CERS4: variants seen among roughly 807,000 people sequenced by gnomAD.
CERS4 encodes LAG1 homolog, ceramide synthase 4.
In CERS4, 65 loss-of-function variants were observed where a neutral mutation model predicts 51.8. The observed-to-expected ratio is 1.26, with a 90% confidence interval of 1.03 to 1.54. The LOEUF (loss-of-function observed/expected upper bound fraction) is 1.54, where lower values mean the gene tolerates loss of function less well. Among genes scored for constraint, CERS4 ranks in the 40% most tolerant of loss-of-function variants. CERS4 has a pLI of 0.00. For synonymous variants in CERS4, 228 were observed against 208.4 expected (o/e 1.09, Z -0.81); for missense variants, 563 against 500.4 (o/e 1.13, Z -1.19).
intron 4 of CERS4, 112 bp from the exon 5 acceptor site, chr19:8,255,495 T>C: frequency 1.1e-6 from 1 of 912,278 alleles, no homozygotes; most frequent in Non-Finnish European, 1.7e-6. Flanking sequence ...GGTCACCCTG[T>C]AGGCAAGATG....
intron 2 of CERS4, among the ~76,000 whole-genome samples, chr19:8,223,400 T>C (rs1456236925): frequency 2.6e-5 from 4 of 151,608 alleles, no homozygotes; most frequent in Admixed American, 2.6e-4. Flanking sequence ...GGAGGATCAC[T>C]TGAGCTCAGG....
chr19:8,217,430 G>T (rs185033684), intron 2 of CERS4, among the ~76,000 whole-genome samples: 28 of 151,498 alleles, frequency 1.8e-4, no homozygotes, highest in Admixed American at 1.8e-3. Flanking sequence ...GTGCAGTGGC[G>T]CAATCTCGGT....
chr19:8,256,432 A>G (rs756161621), intron 7 of CERS4, 146 bp downstream of exon 7: 3 of 980,588 alleles, frequency 3.1e-6, no homozygotes, highest in Non-Finnish European at 4.3e-6. Flanking sequence ...GGGAATAGAG[A>G]GGGGCCAGAA....
At chr19:8,218,977 C>T (rs762432419) in intron 2 of CERS4, among the ~76,000 whole-genome samples, 1 of 152,044 alleles carries the variant, frequency 6.6e-6, no homozygotes, top group South Asian at 2.1e-4. Flanking sequence ...GAGGCCGAGG[C>T]GGGAGGATCA....
At chr19:8,243,801 G>A (rs1968642614) in intron 2 of CERS4, among the ~76,000 whole-genome samples, 6 of 146,678 alleles carry the variant, frequency 4.1e-5, no homozygotes, top group Admixed American at 4.1e-4. Context: ...AACCTGAGTA[G>A]CTCCTGCCTC....
At chr19:8,215,214 C>T (rs996005315) in intron 2 of CERS4, among the ~76,000 whole-genome samples, 1 of 152,084 alleles carries the variant, frequency 6.6e-6, no homozygotes, top group African/African-American at 2.4e-5. Context: ...CGCGGTGGCT[C>T]ACACCTGTGA....
intron 2 of CERS4, among the ~76,000 whole-genome samples, chr19:8,212,579 G>C (rs570612017): frequency 6.6e-6 from 1 of 152,174 alleles, no homozygotes; most frequent in East Asian, 1.9e-4. Flanking sequence ...TAGGAGGAAA[G>C]GGTCTTGAAA....
chr19:8,223,486 G>A (rs183608244), intron 2 of CERS4, among the ~76,000 whole-genome samples: 1 of 152,078 alleles, frequency 6.6e-6, no homozygotes, highest in East Asian at 1.9e-4. Context: ...GGGCATGGTT[G>A]CACACGCCTG....
chr19:8,261,327 C>A (rs527345238), intron 10 of CERS4: 7 of 249,010 alleles, frequency 2.8e-5, no homozygotes, highest in Non-Finnish European at 5.5e-5. Context: ...AGCCCCTCCC[C>A]TATGAGGTGA....
chr19:8,218,352 G>A (rs927417899), intron 2 of CERS4, among the ~76,000 whole-genome samples: 2 of 152,318 alleles, frequency 1.3e-5, no homozygotes, highest in East Asian at 3.9e-4. Context: ...GTTTAACCAT[G>A]CCAGGCATCA....
rs573082326 is a variant in CERS4 at position 8,259,494 on chromosome 19, C to T, written c.848+1509C>T. 3.3e-5 allele frequency among the ~76,000 whole-genome samples: 5 copies of T among 152,074 alleles called. No homozygotes were observed. The South Asian group carries it at 1.0e-3, about 32-fold the overall frequency. On this transcript the variant is annotated intron_variant, in intron 10 of 11. Transcript: ENST00000251363. ...AGATGGGAGCCATGGAGGTTATAAG[C>T]AGAGGGATTCAATCTGACCTAGGTG... is the stretch of plus-strand genomic sequence containing the variant.
intron 3 of CERS4, among the ~76,000 whole-genome samples, chr19:8,251,887 T>G (rs915561742): frequency 2.0e-5 from 3 of 150,278 alleles, no homozygotes; most frequent in African/African-American, 7.4e-5. Context: ...GGGCGGAGGG[T>G]TTTCCAGTTT....
intron 2 of CERS4, among the ~76,000 whole-genome samples, chr19:8,244,799 G>A (rs1411627324): frequency 6.6e-6 from 1 of 151,988 alleles, no homozygotes; most frequent in African/African-American, 2.4e-5. Flanking sequence ...CCAAAGTGCT[G>A]GGATTACAGG....
intron 2 of CERS4, among the ~76,000 whole-genome samples, chr19:8,215,027 A>G: frequency 1.8e-5 from 2 of 113,940 alleles, no homozygotes; most frequent in African/African-American, 3.3e-5. Context: ...AAGGAAGAGG[A>G]GGGGGAGGAC....
chr19:8,256,228 C>T lies in CERS4; in HGVS notation c.469-8C>T. On this transcript the variant is annotated splice_polypyrimidine_tract_variant and splice_region_variant and intron_variant, in intron 6 of 11. Coordinates refer to ENST00000251363, the MANE Select transcript of CERS4 (RefSeq NM_024552.3). ...CCTCTGCACAGCCTGACACCCATTTCCCTGCAGGAGTCATGGCTGTGGGCA... is the reference window on the plus strand; with the variant it reads ...CCTCTGCACAGCCTGACACCCATTTTCCTGCAGGAGTCATGGCTGTGGGCA... 2.5e-6 allele frequency: 4 copies of T among 1,610,950 alleles called. No homozygotes were observed. The highest frequency in any genetic ancestry group is 3.4e-6 in the Non-Finnish European group (4 of 1,178,790).
At chr19:8,253,011 GC>G (rs1468926608) in intron 3 of CERS4, among the ~76,000 whole-genome samples, 2 of 152,188 alleles carry the variant, frequency 1.3e-5, no homozygotes, top group Non-Finnish European at 2.9e-5. Flanking sequence ...CATGGACTTG[GC>G]CCCATGCTTA....
At chr19:8,250,100 G>A (rs1432805699) in intron 2 of CERS4, among the ~76,000 whole-genome samples, 1 of 151,898 alleles carries the variant, frequency 6.6e-6, no homozygotes, top group Non-Finnish European at 1.5e-5. Context: ...TCAGCCTCCT[G>A]AGCAGGTGGG....
chr19:8,257,012 G>A lies in CERS4; in HGVS notation c.676G>A (p.Ala226Thr). ...CATCCTGATGACCTTCTCCTACAGT[G>A]CCAACCTGCTGCGCATTGGCTCTCT... ...AVILMTFSYS[A>T]NLLRIGSLVL... The change falls in exon 9 of 12, where the codon GCC becomes ACC. Residue 226 changes from alanine to threonine, a missense_variant. Transcript: ENST00000251363. 1.2e-6 allele frequency: 2 copies of A among 1,613,838 alleles called. No homozygotes were observed. The highest frequency in any genetic ancestry group is 1.7e-6 in the Non-Finnish European group (2 of 1,179,852).
chr19:8,224,187 T>TC (rs1967685532), intron 2 of CERS4, among the ~76,000 whole-genome samples: 1 of 142,852 alleles, frequency 7.0e-6, no homozygotes, highest in Non-Finnish European at 1.5e-5. Context: ...GGCGGGCGGA[T>TC]CACGAGGTCA....
Sources: gnomAD v4.1 joint callset for allele counts (sites outside exome capture counted in the v4.1 genomes callset) on GRCh38, gnomAD v4.1.1 for gene constraint, MANE v1.5 for transcripts, NCBI Gene and HGNC (gene_info 2026-07-23, HGNC 2026-07-21) for gene names.